The following ZMYM3 variants were observed in gnomAD, a reference collection of about 807,000 sequenced individuals.
ZMYM3 encodes the protein zinc finger MYM-type protein 3.
Under a neutral mutation model 94.2 loss-of-function variants are expected in ZMYM3, and 6 were observed. The ratio of observed to expected loss-of-function variants is 0.06; its 90% CI spans 0.03 to 0.13. The LOEUF is 0.13. ZMYM3 is among the 10% of genes least tolerant of loss of function. The pLI is 1.00. For missense variants in ZMYM3, 664 were observed against 1,132.6 expected, an observed-to-expected ratio of 0.59 and a Z score of 5.94; for synonymous variants, 420 against 426.5, an observed-to-expected ratio of 0.98 and a Z score of 0.19.
upstream of ZMYM3, chrX:71,255,090 C>A (rs1046321908): frequency 3.2e-4 from 6 of 18,819 alleles, no homozygotes; most frequent in African/African-American, 8.0e-4. Context: ...GCTGATCTCT[C>A]TCTCTCTCTC....
intron 15 of ZMYM3, 100 bp from the exon 16 acceptor site, chrX:71,246,198 A>T: frequency 9.3e-7 from 1 of 1,075,721 alleles, no homozygotes; most frequent in Non-Finnish European, 1.3e-6. Context: ...ACTGCCCTTG[A>T]ATCAAAGGCT....
At chrX:71,251,536 C>T in intron 3 of ZMYM3, 22 bp downstream of exon 3, 1 of 1,181,738 alleles carries the variant, frequency 8.5e-7, no homozygotes. Context: ...AACCAGACTC[C>T]TTCCAATCCC....
At chrX:71,243,475 G>C in intron 21 of ZMYM3, 1 of 261,799 alleles carries the variant, frequency 3.8e-6, no homozygotes, top group East Asian at 7.4e-5. Flanking sequence ...CTTGGCCAAC[G>C]GTCCTGGAAT....
intron 17 of ZMYM3, 46 bp downstream of exon 17, chrX:71,245,622 T>C: frequency 8.4e-7 from 1 of 1,189,712 alleles, no homozygotes; most frequent in Non-Finnish European, 1.1e-6. Context: ...GGCAGAGACA[T>C]GCTGGTAGCA....
Position 71,253,186 on chromosome X carries a change from G to A in ZMYM3, c.70C>T (p.Leu24=). 2 of 1,198,145 alleles carry A rather than the reference G, an allele frequency of 1.7e-6. No homozygotes were observed. Among genetic ancestry groups the A allele is most frequent in the Non-Finnish European group, 2.2e-6 (2 of 889,074 alleles). ...TCTCCAAATTCCATGTCTACTGGTAGGTCTCCAGCCAGGGGCTTCTCTGGC... is the reference window on the plus strand; with the variant it reads ...TCTCCAAATTCCATGTCTACTGGTAAGTCTCCAGCCAGGGGCTTCTCTGGC... ...TLPEKPLAGD[L]PVDMEFGEDL... is the part of the protein sequence containing the mutation. The change falls in exon 2 of 25, where the codon CTA becomes TTA. Residue 24 remains leucine (L), a synonymous_variant. Transcript: ENST00000314425.
At chrX:71,248,976 A>G in intron 8 of ZMYM3, 43 bp downstream of exon 8, 1 of 1,206,094 alleles carries the variant, frequency 8.3e-7, no homozygotes, top group East Asian at 3.0e-5. Flanking sequence ...GGAGGTAGAG[A>G]GAAGGCCAGC....
Position 71,250,759 on chromosome X carries a change from C to T in ZMYM3, c.779-33G>A, listed in dbSNP as rs955169264. 2.6e-6 allele frequency: 3 copies of T among 1,143,677 alleles called. No homozygotes were observed. In the South Asian group the frequency reaches 6.1e-5, roughly 23 times the overall value. 94.3% of individuals were successfully genotyped at this position (1,143,677 alleles called of 1,213,427 possible). ...AGTGGGGGGATGGACATGAGAAAGG[C>T]CACCAAACCAGGTCTCCAACCATCC... On this transcript the variant is annotated intron_variant, in intron 4 of 24. Coordinates refer to ENST00000314425, the MANE Select transcript of ZMYM3 (RefSeq NM_201599.3).
intron 15 of ZMYM3, 125 bp from the exon 16 acceptor site, chrX:71,246,223 T>C: frequency 1.9e-6 from 2 of 1,080,261 alleles, no homozygotes; most frequent in South Asian, 2.0e-5. Flanking sequence ...GACACCTCTA[T>C]GATTCTAGGA....
Position 71,245,444 on chromosome X carries a change from A to T in ZMYM3, c.2902T>A (p.Cys968Ser). The T allele has an allele frequency of 8.3e-7, 1 of 1,210,838 alleles. No individual in the cohort carries two copies. Residue 968 changes from cysteine (C) to serine (S), a missense_variant, in exon 18 of 25, where the codon TGT becomes AGT. By Grantham distance (112) the Cys-to-Ser change is moderately radical. Transcript: ENST00000314425. Reference sequence around the variant, plus strand: ...TCTCGAGCAGGCCCAAACAGGTCACAGTCTTCCAGGAGTCCCTCTGCACTC... The same window carrying T: ...TCTCGAGCAGGCCCAAACAGGTCACTGTCTTCCAGGAGTCCCTCTGCACTC... Reference protein sequence around the residue: ...NQSAEGLLEDCDLFGPARDDV... With the variant: ...NQSAEGLLEDSDLFGPARDDV...
chrX:71,251,098 T>G (rs913522658), intron 4 of ZMYM3, 80 bp downstream of exon 4: 2 of 1,015,701 alleles, frequency 2.0e-6, no homozygotes, highest in Non-Finnish European at 2.8e-6. Context: ...AGCTAGAAGA[T>G]CCATGCCCTG....
Position 71,250,010 on chromosome X carries a change from C to T in ZMYM3, c.1251+16G>A, listed in dbSNP as rs765860390. ...TGGCCAGGCTCTGTAAATCAGCCCC[C>T]ACTGAGTGTCCTCACCTCTCCAGTC... is the stretch of plus-strand genomic sequence containing the variant. On this transcript the variant is annotated intron_variant, in intron 6 of 24. Transcript: ENST00000314425. 2 of 1,158,061 alleles carry T rather than the reference C, an allele frequency of 1.7e-6. No individual in the cohort carries two copies. Among genetic ancestry groups the T allele is most frequent in the Non-Finnish European group, 1.1e-6 (1 of 869,748 alleles).
rs148915559 is a variant in ZMYM3, at chrX:71,249,668, C to T, written c.1263G>A (p.Glu421=). The part of the protein sequence containing the change: ...ICQKTGEVLH[E]VSNGSVVHRL... ...GGTGTACCACGCTGCCATTGCTGAC[C>T]TCGTGCAGGACCTGCCACACACATA... Residue 421 remains glutamate (E), a synonymous_variant, in exon 7 of 25, where the codon GAG becomes GAA. Transcript: ENST00000314425. The T allele has an allele frequency of 2.9e-4, 354 of 1,208,943 alleles. 3 individuals carry two copies. The African/African-American group carries it at 5.0e-3, about 17-fold the overall frequency.
Position 71,249,700 on chromosome X carries a change from C to A in ZMYM3, c.1252-21G>T, listed in dbSNP as rs368757347. On this transcript the variant is annotated intron_variant, in intron 6 of 24. Transcript: ENST00000314425. ...AGGACCTGCCACACACATACACGCA[C>A]CCTGAGCTAGGGCCTGGCCACCACC... 6.8e-5 allele frequency: 82 copies of A among 1,202,378 alleles called. No individual in the cohort carries two copies. The African/African-American group carries it at 1.3e-3, about 19-fold the overall frequency.
In ZMYM3 at chrX:71,250,493, A is replaced by T. The variant is rs1424783256; in HGVS notation, c.1012T>A (p.Ser338Thr). ...TTCTTGGAGAAAGTGGTGAGGCAGG[A>T]TGACGAGCAGAAGAGCTGAGGCAGC... ...KGLPQLFCSS[S>T]CLTTFSKKPS... The change falls in exon 5 of 25, where the codon TCC (serine) becomes ACC (threonine). Residue 338 changes from serine to threonine, a missense_variant. This residue lies in a region of ZMYM3 where 45 missense variants were observed against 92.9 expected (regional missense o/e 0.48). Transcript: ENST00000314425. 8.3e-7 allele frequency: 1 copy of T among 1,211,480 alleles called. No individual in the cohort carries two copies. Among genetic ancestry groups the T allele is most frequent in the Non-Finnish European group, 1.1e-6 (1 of 895,357 alleles).
In ZMYM3 at chrX:71,253,387, C is replaced by T. The variant is rs1000326248; in HGVS notation, c.-19-113G>A. 21 of 562,093 alleles carry T rather than the reference C, an allele frequency of 3.7e-5. 1 individual carries two copies. The highest frequency in any genetic ancestry group is 3.4e-5 in the Non-Finnish European group (13 of 384,669). The allele number at this position is 562,093 out of a possible 1,213,427, so 46.3% of individuals were successfully genotyped here. On this transcript the variant is annotated intron_variant, in intron 1 of 24. Transcript: ENST00000314425. Reference sequence around the variant, plus strand: ...CCACTTGGATTTCTCATGAGCAGCCCCCACCACCACAATCTACAAGCATTT... The same window carrying T: ...CCACTTGGATTTCTCATGAGCAGCCTCCACCACCACAATCTACAAGCATTT...
chrX:71,246,618 C>T lies in ZMYM3; in HGVS notation c.2389G>A (p.Glu797Lys). 1 of 1,211,710 alleles carries T rather than the reference C, an allele frequency of 8.3e-7. No homozygotes were observed. Among genetic ancestry groups the T allele is most frequent in the Non-Finnish European group, 1.1e-6 (1 of 895,481 alleles). Residue 797 changes from glutamate (E) to lysine (K), a missense_variant, in exon 14 of 25, where the codon GAG (glutamate) becomes AAG (lysine). Physicochemically the swap from Glu to Lys is moderately conservative, Grantham distance 56 (BLOSUM62 1). Around this residue, in one of 9 missense-constraint regions of ZMYM3, gnomAD observed 57 missense variants for 52.0 expected, o/e 1.10. Transcript: ENST00000314425. ...ACCTTGCCCAAATTCCCATTTTCCTCTGGGGTCCTCACTGTGTTGCTGTTC... is the reference window on the plus strand; with the variant it reads ...ACCTTGCCCAAATTCCCATTTTCCTTTGGGGTCCTCACTGTGTTGCTGTTC... Reference protein sequence around the residue: ...VENSNTVRTPEENGNLGKIPV... With the variant: ...VENSNTVRTPKENGNLGKIPV...
chrX:71,251,565 G>C lies in ZMYM3; in HGVS notation c.704C>G (p.Pro235Arg). The change falls in exon 3 of 25, where the codon CCT becomes CGT. Residue 235 changes from proline to arginine, a missense_variant. By Grantham distance (103) the Pro-to-Arg change is moderately radical. Coordinates refer to ENST00000314425, the MANE Select transcript of ZMYM3 (RefSeq NM_201599.3). ...GLTAKASEKP[P>R]ERKRSERVRR... Reference sequence around the variant, plus strand: ...CAATCCCCTCCCCCTCACCCGTTCAGGCGGCTTCTCACTCGCCTTCGCAGT... The same window carrying C: ...CAATCCCCTCCCCCTCACCCGTTCACGCGGCTTCTCACTCGCCTTCGCAGT... 1 of 1,193,751 alleles carries C rather than the reference G, an allele frequency of 8.4e-7. No homozygotes were observed. Among genetic ancestry groups the C allele is most frequent in the Non-Finnish European group, 1.1e-6 (1 of 886,586 alleles).
intron 7 of ZMYM3, 26 bp from the exon 8 acceptor site, chrX:71,249,195 G>C (rs748726065): frequency 3.2e-5 from 39 of 1,206,140 alleles, no homozygotes; most frequent in Non-Finnish European, 4.4e-5. Context: ...AGGAGAGGCT[G>C]AGGCTGGATT....
Position 71,240,534 on chromosome X carries a change from T to C in ZMYM3, c.*382A>G, listed in dbSNP as rs2029903905. 7.4e-6 allele frequency: 1 copy of C among 134,791 alleles called. No homozygotes were observed. Among genetic ancestry groups the C allele is most frequent in the African/African-American group, 3.2e-5 (1 of 31,498 alleles). 11.1% of individuals were successfully genotyped at this position (134,791 alleles called of 1,213,427 possible). A position where few individuals can be genotyped will look rare whatever the true frequency, so the allele number is the denominator to read the frequency against. On this transcript the variant is annotated 3_prime_UTR_variant, in exon 25 of 25. Transcript: ENST00000314425. ...GCTGGGTTTTTCCCTAGGTCATGCCTAGGAACAAGAGGCTCTACCTATGCG... is the reference window on the plus strand; with the variant it reads ...GCTGGGTTTTTCCCTAGGTCATGCCCAGGAACAAGAGGCTCTACCTATGCG...
Sources: gnomAD v4.1 joint callset for allele counts on GRCh38, gnomAD v4.1.1 for gene constraint, gnomAD v4.1.1 regional missense constraint, MANE v1.5 for transcripts, NCBI Gene and HGNC (gene_info 2026-07-23, HGNC 2026-07-21) for gene names.